Variants in EPB41L3 observed in about 807,000 individuals in gnomAD.
EPB41L3 encodes the protein band 4.1-like protein 3.
Under a neutral mutation model 127.1 loss-of-function variants are expected in EPB41L3, and 57 were observed. That is an observed-to-expected ratio of 0.45 (90% CI 0.36 to 0.56). The LOEUF (loss-of-function observed/expected upper bound fraction) is 0.56, where lower values mean the gene tolerates loss of function less well. EPB41L3 is among the 20% of genes least tolerant of loss of function. The pLI is 0.00. For missense variants in EPB41L3, 1,273 were observed against 1,372.2 expected, an observed-to-expected ratio of 0.93 and a Z score of 1.14; for synonymous variants, 572 against 549.5, an observed-to-expected ratio of 1.04 and a Z score of -0.57.
chr18:5,610,860 T>G (rs946602687), intron 3 of EPB41L3, among the ~76,000 whole-genome samples: 2 of 152,190 alleles, frequency 1.3e-5, no homozygotes, highest in Non-Finnish European at 2.9e-5. Context: ...ATTTCTAGGA[T>G]GCATTGTTTT....
At chr18:5,572,369 T>C (rs12458743) in intron 3 of EPB41L3, among the ~76,000 whole-genome samples, 20,094 of 152,196 alleles carry the variant, frequency 0.13, 1,528 homozygotes, top group East Asian at 0.22. Context: ...TTAATTTTGC[T>C]TCCCATATTT....
chr18:5,574,645 C>G (rs1448834101), intron 3 of EPB41L3, among the ~76,000 whole-genome samples: 2 of 152,116 alleles, frequency 1.3e-5, no homozygotes, highest in African/African-American at 4.8e-5. Flanking sequence ...CAGGCAGAGG[C>G]TCTGCCTATG....
chr18:5,546,334 C>G (rs1286724699), upstream of EPB41L3, among the ~76,000 whole-genome samples: 1 of 152,024 alleles, frequency 6.6e-6, no homozygotes, highest in African/African-American at 2.4e-5. Context: ...AGTTCAAGAC[C>G]AGCCTGGCCA....
rs189194231 is a variant in EPB41L3 at position 5,533,403 on chromosome 18, C to T, written c.-12+10510G>A. 3.3e-5 allele frequency among the ~76,000 whole-genome samples: 5 copies of T among 152,200 alleles called. No individual in the cohort carries two copies. In the East Asian group the frequency reaches 5.8e-4, roughly 18 times the overall value. The stretch of plus-strand genomic sequence containing the variant: ...ATTATGTGAGTGTGTGTGTCCTTCT[C>T]GGATATGAGCATAGGAAAAAATGCT... On this transcript the variant is annotated intron_variant, in intron 1 of 22. Transcript: ENST00000341928.
At chr18:5,429,715 C>A (rs1360158452) in intron 8 of EPB41L3, among the ~76,000 whole-genome samples, 1 of 152,180 alleles carries the variant, frequency 6.6e-6, no homozygotes, top group Admixed American at 6.5e-5. Flanking sequence ...CTGAATTACT[C>A]TGCAGGAGTG....
chr18:5,535,530 A>G (rs546789714), intron 1 of EPB41L3, among the ~76,000 whole-genome samples: 10 of 152,320 alleles, frequency 6.6e-5, no homozygotes, highest in Admixed American at 3.3e-4. Flanking sequence ...ATTCTCTGTA[A>G]TGAAACTACC....
chr18:5,445,054 T>G (rs553188896), intron 4 of EPB41L3, 86 bp downstream of exon 4: 1 of 949,642 alleles, frequency 1.1e-6, no homozygotes, highest in South Asian at 1.4e-5. Context: ...GTGGAGAAAG[T>G]GATCCACCCA....
In EPB41L3 at chr18:5,420,242, A is replaced by G. The variant is rs2077309317; in HGVS notation, c.1340-365T>C. 5 of 313,492 alleles carry G rather than the reference A, an allele frequency of 1.6e-5. No homozygotes were observed. The South Asian group carries it at 1.7e-4, about 11-fold the overall frequency. The allele number at this position is 313,492 out of a possible 1,614,324, so 19.4% of individuals were successfully genotyped here. A position where few individuals can be genotyped will look rare whatever the true frequency, so the allele number is the denominator to read the frequency against. On this transcript the variant is annotated intron_variant, in intron 11 of 22. Transcript: ENST00000341928. Reference sequence around the variant, plus strand: ...ATGAGGCGAGGCTGCCGCTGGGCATATTATCACCATTGGCTGGCACTGGCA... The same window carrying G: ...ATGAGGCGAGGCTGCCGCTGGGCATGTTATCACCATTGGCTGGCACTGGCA...
chr18:5,409,583 T>A (rs1313682607), intron 14 of EPB41L3, among the ~76,000 whole-genome samples: 1 of 152,060 alleles, frequency 6.6e-6, no homozygotes, highest in Non-Finnish European at 1.5e-5. Flanking sequence ...GGAAGAAACC[T>A]AATAAAACGC....
chr18:5,428,415 C>T lies in EPB41L3; in HGVS notation c.963G>A (p.Leu321=), dbSNP rs549540632. The T allele has an allele frequency of 6.2e-7, 1 of 1,614,210 alleles. No individual in the cohort carries two copies. Among genetic ancestry groups the T allele is most frequent in the African/African-American group, 1.3e-5 (1 of 75,058 alleles). The part of the protein sequence containing the change: ...IMLGVCASGL[L]IYRDRLRINR... Reference sequence around the variant, plus strand: ...TTATTCGCAGCCGGTCGCGATATATCAACAGACCACTTGCACAAACTCCTA... The same window carrying T: ...TTATTCGCAGCCGGTCGCGATATATTAACAGACCACTTGCACAAACTCCTA... Residue 321 remains leucine (L), a synonymous_variant, in exon 9 of 23, where the codon TTG becomes TTA. Coordinates refer to ENST00000341928, the MANE Select transcript of EPB41L3 (RefSeq NM_012307.5).
At chr18:5,407,058 C>G in intron 15 of EPB41L3, 90 bp from the exon 16 acceptor site, 1 of 1,263,416 alleles carries the variant, frequency 7.9e-7, no homozygotes, top group Non-Finnish European at 1.1e-6. Flanking sequence ...TAATGTCAAT[C>G]TTATTAGTAG....
chr18:5,496,451 T>C (rs779756093), intron 1 of EPB41L3, among the ~76,000 whole-genome samples: 66 of 152,232 alleles, frequency 4.3e-4, no homozygotes, highest in Non-Finnish European at 7.5e-4. Context: ...AGAACTTTAA[T>C]AGAGTTCAGT....
chr18:5,537,127 A>T (rs1308460398), intron 1 of EPB41L3, among the ~76,000 whole-genome samples: 1 of 152,210 alleles, frequency 6.6e-6, no homozygotes, highest in African/African-American at 2.4e-5. Context: ...TTAAATAGCA[A>T]GGCCGAGAGC....
At chr18:5,461,571 T>G (rs778824357) in intron 3 of EPB41L3, among the ~76,000 whole-genome samples, 1 of 152,234 alleles carries the variant, frequency 6.6e-6, no homozygotes, top group East Asian at 1.9e-4. Flanking sequence ...AAGCATTTCA[T>G]GAATTAATAT....
At chr18:5,426,541 A>G (rs752107185) in intron 9 of EPB41L3, among the ~76,000 whole-genome samples, 78 of 152,192 alleles carry the variant, frequency 5.1e-4, no homozygotes, top group Admixed American at 1.8e-3. Context: ...TAAGAAATGT[A>G]TCATTCCAAA....
chr18:5,433,843 T>C, intron 7 of EPB41L3, 60 bp downstream of exon 7: 1 of 1,551,054 alleles, frequency 6.4e-7, no homozygotes, highest in Non-Finnish European at 8.9e-7. Context: ...AGAGGTGGGT[T>C]GTGTGCGGGA....
intron 3 of EPB41L3, among the ~76,000 whole-genome samples, chr18:5,472,289 A>G (rs1305102061): frequency 6.6e-6 from 1 of 152,190 alleles, no homozygotes; most frequent in Non-Finnish European, 1.5e-5. Flanking sequence ...AACTGTTCCT[A>G]TGGTTGCACC....
chr18:5,534,934 T>C (rs1250842056), intron 1 of EPB41L3, among the ~76,000 whole-genome samples: 1 of 152,168 alleles, frequency 6.6e-6, no homozygotes, highest in Non-Finnish European at 1.5e-5. Context: ...GTATCTTCTC[T>C]AGCTCTTTGT....
At chr18:5,407,578 A>G in intron 15 of EPB41L3, 123 bp downstream of exon 15, 1 of 994,058 alleles carries the variant, frequency 1.0e-6, no homozygotes, top group Non-Finnish European at 1.5e-6. Context: ...TACACACTGC[A>G]CCAACAACAT....
Sources: gnomAD v4.1 joint callset for allele counts (sites outside exome capture counted in the v4.1 genomes callset) on GRCh38, gnomAD v4.1.1 for gene constraint, MANE v1.5 for transcripts, NCBI Gene and HGNC (gene_info 2026-07-23, HGNC 2026-07-21) for gene names.